Variants in PCDHGA3 observed in about 807,000 individuals in gnomAD.
The protein encoded by PCDHGA3 is protocadherin gamma subfamily A, 3, also known as protocadherin gamma-A3.
In PCDHGA3, 40 loss-of-function variants were observed where a neutral mutation model predicts 58.5. That is an observed-to-expected ratio of 0.68 (90% CI 0.53 to 0.89). PCDHGA3 has a LOEUF of 0.89. Ranked by LOEUF, PCDHGA3 falls within the 40% of genes least tolerant of loss-of-function variation. PCDHGA3 has a pLI of 0.00. For synonymous variants in PCDHGA3, 530 were observed against 525.7 expected (o/e 1.01, Z -0.11); for missense variants, 1,223 against 1,195.9 (o/e 1.02, Z -0.33).
intron 1 of PCDHGA3, chr5:141,383,506 G>A: frequency 6.2e-7 from 1 of 1,612,872 alleles, no homozygotes; most frequent in Non-Finnish European, 8.5e-7. Flanking sequence ...GCTGGACCGG[G>A]AGGAAGAGCG....
chr5:141,397,972 G>A lies in PCDHGA3; in HGVS notation c.2424+51515G>A. 2.6e-6 allele frequency: 3 copies of A among 1,155,562 alleles called. No homozygotes were observed. In the South Asian group the frequency reaches 4.9e-5, roughly 19 times the overall value. The allele number at this position is 1,155,562 out of a possible 1,614,324, so 71.6% of individuals were successfully genotyped here. A position where few individuals can be genotyped will look rare whatever the true frequency, so the allele number is the denominator to read the frequency against. On this transcript the variant is annotated intron_variant, in intron 1 of 3. Transcript: ENST00000253812. ...GCAGCCCCAGCTCAGACTCCCCAGC[G>A]CCGGCCTTTACACCGCTTCCTCCTC...
At chr5:141,420,314 A>C (rs1454977890) in intron 1 of PCDHGA3, 1 of 1,442,690 alleles carries the variant, frequency 6.9e-7, no homozygotes. Flanking sequence ...TTTATATTAC[A>C]ATATGCCAAT....
intron 1 of PCDHGA3, chr5:141,394,707 C>T (rs1325466311): frequency 1.2e-6 from 2 of 1,613,272 alleles, no homozygotes; most frequent in Non-Finnish European, 1.7e-6. Context: ...GGCGCGAGCC[C>T]TGCTGGACAG....
intron 1 of PCDHGA3, chr5:141,352,221 C>A: frequency 6.2e-7 from 1 of 1,614,072 alleles, no homozygotes; most frequent in Non-Finnish European, 8.5e-7. Context: ...TCCGCCACCG[C>A]CACGCTGCAC....
At chr5:141,479,930 T>C (rs1355410974) in intron 1 of PCDHGA3, among the ~76,000 whole-genome samples, 15 of 152,218 alleles carry the variant, frequency 9.9e-5, no homozygotes, top group Non-Finnish European at 1.9e-4. Context: ...CAGTGCATCA[T>C]TGCTATCAAC....
rs1029237740 is a variant in PCDHGA3, at chr5:141,500,358, A to G, written c.2484-5035A>G. ...AGAATAGCTGGGACTACAGGCGCCC[A>G]CTACCACGCCCGGCTAATTATTTTG... On this transcript the variant is annotated intron_variant, in intron 2 of 3. Coordinates refer to ENST00000253812, the MANE Select transcript of PCDHGA3 (RefSeq NM_018916.4). Among the ~76,000 whole-genome samples, 5 of 151,706 alleles carry G rather than the reference A, an allele frequency of 3.3e-5. No homozygotes were observed. In the South Asian group the frequency reaches 6.3e-4, roughly 19 times the overall value.
chr5:141,404,085 A>G, intron 1 of PCDHGA3: 1 of 1,613,618 alleles, frequency 6.2e-7, no homozygotes, highest in South Asian at 1.1e-5. Context: ...GACTCCGGGA[A>G]GAATGGTCAA....
chr5:141,431,053 G>A lies in PCDHGA3; in HGVS notation c.2425-63754G>A, dbSNP rs1208370015. On this transcript the variant is annotated intron_variant, in intron 1 of 3. Coordinates refer to ENST00000253812, the MANE Select transcript of PCDHGA3 (RefSeq NM_018916.4). This position sits in a 1 kb window ranked among gnomAD's most constrained non-coding sequence, Gnocchi z 4.8. ...TAGACCGGGAGGAGCTCTGTATGGG[G>A]GCCATCAAGTGTCAATTAAATCTAG... 1 of 1,614,174 alleles carries A rather than the reference G, an allele frequency of 6.2e-7. No homozygotes were observed. Among genetic ancestry groups the A allele is most frequent in the Admixed American group, 1.7e-5 (1 of 60,030 alleles).
intron 1 of PCDHGA3, chr5:141,409,530 C>G: frequency 6.2e-7 from 1 of 1,613,994 alleles, no homozygotes. Flanking sequence ...TTGTATGTCG[C>G]TGACATCAAC....
chr5:141,403,442 G>A, intron 1 of PCDHGA3: 2 of 1,614,024 alleles, frequency 1.2e-6, no homozygotes, highest in Admixed American at 1.7e-5. Flanking sequence ...GGATGTTGGC[G>A]TGAACTCCCT....
At chr5:141,392,791 G>C in intron 1 of PCDHGA3, 6 of 1,557,838 alleles carry the variant, frequency 3.9e-6, no homozygotes, top group Admixed American at 2.0e-5. Context: ...AAGATTCTGA[G>C]AGGATTCTGC....
chr5:141,355,141 G>GAAAA, intron 1 of PCDHGA3: 1 of 1,526,010 alleles, frequency 6.6e-7, no homozygotes, highest in East Asian at 2.3e-5. Flanking sequence ...AGATCCTGGG[G>GAAAA]CTCCTCAGGC....
chr5:141,370,805 C>A, intron 1 of PCDHGA3: 2 of 1,614,026 alleles, frequency 1.2e-6, no homozygotes, highest in Non-Finnish European at 1.7e-6. Context: ...GCCAAAATAT[C>A]ACTGAGCTGG....
At chr5:141,457,568 T>A (rs1397626206) in intron 1 of PCDHGA3, among the ~76,000 whole-genome samples, 1 of 152,190 alleles carries the variant, frequency 6.6e-6, no homozygotes, top group African/African-American at 2.4e-5. Context: ...TGGAGCAAAA[T>A]TTTTCTCTCC....
intron 1 of PCDHGA3, among the ~76,000 whole-genome samples, chr5:141,437,093 C>T (rs1382920904): frequency 2.6e-5 from 4 of 152,136 alleles, no homozygotes; most frequent in East Asian, 1.9e-4. Flanking sequence ...TTGAAACTAA[C>T]GGCTTAGCTT....
At chr5:141,470,165 G>C (rs559578238) in intron 1 of PCDHGA3, among the ~76,000 whole-genome samples, 1 of 152,276 alleles carries the variant, frequency 6.6e-6, no homozygotes, top group Non-Finnish European at 1.5e-5. Context: ...TCAAATCAAA[G>C]TATGCAAAAT....
chr5:141,389,083 A>T, intron 1 of PCDHGA3: 3 of 1,614,058 alleles, frequency 1.9e-6, no homozygotes, highest in Non-Finnish European at 2.5e-6. Context: ...AGAAACACGT[A>T]TAAATTAGTG....
intron 1 of PCDHGA3, chr5:141,364,734 A>T: frequency 6.2e-7 from 1 of 1,613,934 alleles, no homozygotes; most frequent in Non-Finnish European, 8.5e-7. Flanking sequence ...CGTTTCCGGG[A>T]TGAAGAGTTA....
At chr5:141,376,311 T>C (rs376213960) in intron 1 of PCDHGA3, 29 of 1,613,880 alleles carry the variant, frequency 1.8e-5, no homozygotes, top group Non-Finnish European at 2.4e-5. Flanking sequence ...TTTGTGGGCG[T>C]GGAAGGGGTT....
Sources: gnomAD v4.1 joint callset for allele counts (sites outside exome capture counted in the v4.1 genomes callset) on GRCh38, gnomAD v4.1.1 for gene constraint, Gnocchi (gnomAD v3.1) non-coding constraint, MANE v1.5 for transcripts, NCBI Gene and HGNC (gene_info 2026-07-23, HGNC 2026-07-21) for gene names.